EGR3: variants seen among roughly 807,000 people sequenced by gnomAD.
The protein encoded by EGR3 is early growth response protein 3.
In EGR3, 4 loss-of-function variants were observed where a neutral mutation model predicts 22.4. The ratio of observed to expected loss-of-function variants is 0.18; its 90% CI spans 0.09 to 0.41. The LOEUF is 0.41. Ranked by LOEUF, EGR3 falls within the 10% of genes least tolerant of loss-of-function variation. The pLI is 1.00. For missense variants in EGR3, 315 were observed against 541.3 expected (o/e 0.58, Z 4.15); for synonymous variants, 219 against 226.8 (o/e 0.97, Z 0.31).
Position 22,692,251 on chromosome 8 carries a change from C to T in EGR3, c.154+540G>A, listed in dbSNP as rs1279371426. On this transcript the variant is annotated intron_variant, in intron 1 of 1. Coordinates refer to ENST00000317216, the MANE Select transcript of EGR3 (RefSeq NM_004430.3). The surrounding 1 kb of genome is among the most constrained non-coding windows in gnomAD (Gnocchi z 6.2). ...AACCCCCTCCTTCTCCCCGCCGTCC[C>T]CACACCCCCACGGCTTTGCTGAACG... The T allele has an allele frequency of 1.3e-6, 2 of 1,484,804 alleles. No homozygotes were observed. Among genetic ancestry groups the T allele is most frequent in the East Asian group, 2.8e-5 (1 of 35,548 alleles). 92.0% of individuals were successfully genotyped at this position (1,484,804 alleles called of 1,614,324 possible).
At position 22,687,905 on chromosome 8, in the gene EGR3, C is replaced by G. The variant is rs1803819535; in HGVS notation, c.*2568G>C. 6.6e-6 allele frequency: 1 copy of G among 152,574 alleles called. No individual in the cohort carries two copies. Among genetic ancestry groups the G allele is most frequent in the South Asian group, 2.1e-4 (1 of 4,816 alleles). 9.5% of individuals were successfully genotyped at this position (152,574 alleles called of 1,614,324 possible). On this transcript the variant is annotated 3_prime_UTR_variant, in exon 2 of 2. Transcript: ENST00000317216. The surrounding 1 kb of genome is among the most constrained non-coding windows in gnomAD (Gnocchi z 4.7). ...ATGTTGGTGAAGAATTTCACCTTTT[C>G]ACAATATCAAGCATATTTTTTTAAC...
intron 1 of EGR3, chr8:22,691,859 A>G: frequency 1.0e-6 from 1 of 985,234 alleles, no homozygotes; most frequent in Non-Finnish European, 1.2e-6. Context: ...CTCGCTCTCC[A>G]CCGCACACAA....
chr8:22,692,372 G>C lies in EGR3; in HGVS notation c.154+419C>G. 6.8e-7 allele frequency: 1 copy of C among 1,468,632 alleles called. No individual in the cohort carries two copies. The highest frequency in any genetic ancestry group is 9.0e-7 in the Non-Finnish European group (1 of 1,115,224). 91.0% of individuals were successfully genotyped at this position (1,468,632 alleles called of 1,614,324 possible). On this transcript the variant is annotated intron_variant, in intron 1 of 1. Coordinates refer to ENST00000317216, the MANE Select transcript of EGR3 (RefSeq NM_004430.3). The surrounding 1 kb of genome is among the most constrained non-coding windows in gnomAD (Gnocchi z 6.2). ...GTGGGAGGCTGAGGGAGTAAGGGGG[G>C]AGAGCGCGGGTGAAAAAGACGCCGG...
At position 22,693,082 on chromosome 8, in the gene EGR3, G is replaced by C; in HGVS notation, c.-138C>G. On this transcript the variant is annotated 5_prime_UTR_variant, in exon 1 of 2. Coordinates refer to ENST00000317216, the MANE Select transcript of EGR3 (RefSeq NM_004430.3). ...GCATGCGAGAGGGAAAGTTCGGGGGGAGGGGGGAGGGAAGAAGGGAAGGGA... is the reference window on the plus strand; with the variant it reads ...GCATGCGAGAGGGAAAGTTCGGGGGCAGGGGGGAGGGAAGAAGGGAAGGGA... 5 of 715,638 alleles carry C rather than the reference G, an allele frequency of 7.0e-6. 1 individual carries two copies. The highest frequency in any genetic ancestry group is 1.0e-5 in the Non-Finnish European group (5 of 484,638). The allele number at this position is 715,638 out of a possible 1,614,324, so 44.3% of individuals were successfully genotyped here. A position where few individuals can be genotyped will look rare whatever the true frequency, so the allele number is the denominator to read the frequency against.
rs11136094 is a variant in EGR3, at chr8:22,689,539, G to T, written c.*934C>A. On this transcript the variant is annotated 3_prime_UTR_variant, in exon 2 of 2. Transcript: ENST00000317216. ...AGAAGGGGAAGGAGTGGGAGGGCAGGGGGCAAACTCAGGAACATAGATTTC... is the reference window on the plus strand; with the variant it reads ...AGAAGGGGAAGGAGTGGGAGGGCAGTGGGCAAACTCAGGAACATAGATTTC... 1 of 152,456 alleles carries T rather than the reference G, an allele frequency of 6.6e-6. No homozygotes were observed. The highest frequency in any genetic ancestry group is 1.5e-5 in the Non-Finnish European group (1 of 67,996). 9.4% of individuals were successfully genotyped at this position (152,456 alleles called of 1,614,324 possible).
In EGR3 at chr8:22,691,002, A is replaced by T; in HGVS notation, c.635T>A (p.Phe212Tyr). 1 of 1,583,648 alleles carries T rather than the reference A, an allele frequency of 6.3e-7. No homozygotes were observed. Among genetic ancestry groups the T allele is most frequent in the Non-Finnish European group, 8.6e-7 (1 of 1,162,066 alleles). ...GACCCGGATGGGGTCCATGCCCTGG[A>T]AGGGCTTGTGCTCCGGAATGGAGCC... is the stretch of plus-strand genomic sequence containing the variant. ...DMGSIPEHKP[F>Y]QGMDPIRVNP... The change falls in exon 2 of 2, where the codon TTC (phenylalanine) becomes TAC (tyrosine). Residue 212 changes from phenylalanine (F) to tyrosine (Y), a missense_variant. Physicochemically the swap from Phe to Tyr is conservative, Grantham distance 22 (BLOSUM62 3). This residue lies in a region of EGR3 where 227 missense variants were observed against 303.6 expected (regional missense o/e 0.75). Coordinates refer to ENST00000317216, the MANE Select transcript of EGR3 (RefSeq NM_004430.3).
intron 1 of EGR3, chr8:22,691,910 C>G (rs1000787092): frequency 1.6e-6 from 2 of 1,226,588 alleles, no homozygotes; most frequent in African/African-American, 3.1e-5. Context: ...CAGGACGCCG[C>G]GCCTTTCCCT....
rs1363836339 is a variant in EGR3 at position 22,691,182 on chromosome 8, T to C, written c.455A>G (p.Asp152Gly). 8 of 1,613,596 alleles carry C rather than the reference T, an allele frequency of 5.0e-6. No individual in the cohort carries two copies. The highest frequency in any genetic ancestry group is 6.8e-6 in the Non-Finnish European group (8 of 1,179,930). ...GAAAGACACGGGCTCTGAGTAGAGG[T>C]CGCCGCAGTTGGAGTAGGGGGGTAG... Reference protein sequence around the residue: ...PALPPYSNCGDLYSEPVSFHD... With the variant: ...PALPPYSNCGGLYSEPVSFHD... The change falls in exon 2 of 2, where the codon GAC becomes GGC. Residue 152 changes from aspartate to glycine, a missense_variant. This residue lies in a region of EGR3 where 227 missense variants were observed against 303.6 expected (regional missense o/e 0.75). Coordinates refer to ENST00000317216, the MANE Select transcript of EGR3 (RefSeq NM_004430.3).
rs1803993659 is a variant in EGR3 at position 22,692,179 on chromosome 8, C to A, written c.154+612G>T. ...GGGAGAGGCCGCCCTTCCCCAGCTC[C>A]CCGGCCCCGGGATCGTTCCCCGTGG... On this transcript the variant is annotated intron_variant, in intron 1 of 1. Coordinates refer to ENST00000317216, the MANE Select transcript of EGR3 (RefSeq NM_004430.3). The surrounding 1 kb of genome is among the most constrained non-coding windows in gnomAD (Gnocchi z 6.2). 2 of 1,382,234 alleles carry A rather than the reference C, an allele frequency of 1.4e-6. No homozygotes were observed. Among genetic ancestry groups the A allele is most frequent in the Non-Finnish European group, 1.9e-6 (2 of 1,072,564 alleles). The allele number at this position is 1,382,234 out of a possible 1,614,324, so 85.6% of individuals were successfully genotyped here.
Position 22,691,391 on chromosome 8 carries a change from G to C in EGR3, c.246C>G (p.Thr82=), listed in dbSNP as rs140392305. The change falls in exon 2 of 2, where the codon ACC becomes ACG. Residue 82 remains threonine, a synonymous_variant. Transcript: ENST00000317216. ...AGGCGAACTTTCCCAAGTAGGTCAC[G>C]GTCTTGTTGCCGGGGGCTGGCTGGA... ...GSFQPAPGNK[T]VTYLGKFAFD... is the part of the protein sequence containing the mutation. 10 of 1,614,174 alleles carry C rather than the reference G, an allele frequency of 6.2e-6. No individual in the cohort carries two copies. In the East Asian group the frequency reaches 2.2e-4, roughly 36 times the overall value.
At position 22,692,834 on chromosome 8, in the gene EGR3, G is replaced by A. The variant is rs746459512; in HGVS notation, c.111C>T (p.Ser37=). 2 of 1,613,458 alleles carry A rather than the reference G, an allele frequency of 1.2e-6. No homozygotes were observed. The highest frequency in any genetic ancestry group is 2.2e-5 in the East Asian group (1 of 44,834). ...AATGGACTACCGAGTCGCTGCTGCC[G>A]GAGAAGAGGTTGAGCGCGCTGGGGA... The part of the protein sequence containing the change: ...EEIPSALNLF[S]GSSDSVVHYN... Residue 37 remains serine (S), a synonymous_variant, in exon 1 of 2, where the codon TCC becomes TCT. Coordinates refer to ENST00000317216, the MANE Select transcript of EGR3 (RefSeq NM_004430.3). The surrounding 1 kb of genome is among the most constrained non-coding windows in gnomAD (Gnocchi z 6.2).
chr8:22,690,514 G>T lies in EGR3; in HGVS notation c.1123C>A (p.Pro375Thr). 6.2e-7 allele frequency: 1 copy of T among 1,610,118 alleles called. No homozygotes were observed. The highest frequency in any genetic ancestry group is 8.5e-7 in the Non-Finnish European group (1 of 1,177,896). The change falls in exon 2 of 2, where the codon CCC becomes ACC. Residue 375 changes from proline (P) to threonine (T), a missense_variant. Around this residue, in one of 4 missense-constraint regions of EGR3, gnomAD observed 38 missense variants for 37.5 expected, o/e 1.01. Coordinates refer to ENST00000317216, the MANE Select transcript of EGR3 (RefSeq NM_004430.3). ...KGGAPSASSA[P>T]PVSLAPVVTT... ...ACCACGGGGGCCAGCGACACGGGGG[G>T]CGCCGAGGATGCAGAGGGTGCACCG...
chr8:22,690,130 A>C lies in EGR3; in HGVS notation c.*343T>G, dbSNP rs1250959468. 1 of 345,140 alleles carries C rather than the reference A, an allele frequency of 2.9e-6. No individual in the cohort carries two copies. The highest frequency in any genetic ancestry group is 5.3e-6 in the Non-Finnish European group (1 of 188,864). 21.4% of individuals were successfully genotyped at this position (345,140 alleles called of 1,614,324 possible). A position where few individuals can be genotyped will look rare whatever the true frequency, so the allele number is the denominator to read the frequency against. On this transcript the variant is annotated 3_prime_UTR_variant, in exon 2 of 2. Transcript: ENST00000317216. ...GGTGTTTGGGTCGGGCGAGGGTTGGATGGGCTCCGCCTTCAGTCCCTTGCA... is the reference window on the plus strand; with the variant it reads ...GGTGTTTGGGTCGGGCGAGGGTTGGCTGGGCTCCGCCTTCAGTCCCTTGCA...
At chr8:22,691,987 C>T (rs1173675591) in intron 1 of EGR3, 2 of 1,277,292 alleles carry the variant, frequency 1.6e-6, no homozygotes, top group Non-Finnish European at 2.0e-6. Flanking sequence ...ACGCTTTGTC[C>T]TCGGAGCGTA....
Position 22,692,940 on chromosome 8 carries a change from G to C in EGR3, c.5C>G (p.Thr2Ser). Reference sequence around the variant, plus strand: ...CGGCAGCTTCTCGGCGAGTTTGCCGGTCATAGCACTCCCGAGCTGCCGCCG... The same window carrying C: ...CGGCAGCTTCTCGGCGAGTTTGCCGCTCATAGCACTCCCGAGCTGCCGCCG... Reference protein sequence around the residue: MTGKLAEKLPVT... With the variant: MSGKLAEKLPVT... Residue 2 changes from threonine to serine, a missense_variant, in exon 1 of 2, where the codon ACC becomes AGC. Physicochemically the swap from Thr to Ser is moderately conservative, Grantham distance 58. Transcript: ENST00000317216. This position sits in a 1 kb window ranked among gnomAD's most constrained non-coding sequence, Gnocchi z 6.2. 3.1e-6 allele frequency: 5 copies of C among 1,610,424 alleles called. No homozygotes were observed. The highest frequency in any genetic ancestry group is 4.2e-6 in the Non-Finnish European group (5 of 1,179,152).
chr8:22,692,614 G>A lies in EGR3; in HGVS notation c.154+177C>T. On this transcript the variant is annotated intron_variant, in intron 1 of 1. Transcript: ENST00000317216. This position sits in a 1 kb window ranked among gnomAD's most constrained non-coding sequence, Gnocchi z 6.2. ...GAGGAGTGGGTGGGAAAAGCAACTC[G>A]CCCCCCGCAAAATTCCCAGCGCGCC... The A allele has an allele frequency of 1.4e-6, 2 of 1,439,290 alleles. No homozygotes were observed. Among genetic ancestry groups the A allele is most frequent in the Non-Finnish European group, 1.8e-6 (2 of 1,095,538 alleles). The allele number at this position is 1,439,290 out of a possible 1,614,324, so 89.2% of individuals were successfully genotyped here. A position where few individuals can be genotyped will look rare whatever the true frequency, so the allele number is the denominator to read the frequency against.
Position 22,690,880 on chromosome 8 carries a change from G to T in EGR3, c.757C>A (p.Leu253Ile). The change falls in exon 2 of 2, where the codon CTC (leucine) becomes ATC (isoleucine). Residue 253 changes from leucine to isoleucine, a missense_variant. This residue lies in a region of EGR3 where 34 missense variants were observed against 81.9 expected (regional missense o/e 0.42). Coordinates refer to ENST00000317216, the MANE Select transcript of EGR3 (RefSeq NM_004430.3). ...TACTTGCGGGGCCGGATGGGCTTGA[G>T]GGTGAGCGGCGGCTGGGGCAGGCTG... ...FGSLPQPPLTLKPIRPRKYPN... is the reference protein window; with the variant it reads ...FGSLPQPPLTIKPIRPRKYPN... 6.3e-7 allele frequency: 1 copy of T among 1,589,180 alleles called. No individual in the cohort carries two copies. Among genetic ancestry groups the T allele is most frequent in the Non-Finnish European group, 8.6e-7 (1 of 1,165,508 alleles).
chr8:22,692,535 C>G lies in EGR3; in HGVS notation c.154+256G>C, dbSNP rs532349888. 9.8e-6 allele frequency: 14 copies of G among 1,427,994 alleles called. No homozygotes were observed. The South Asian group carries it at 2.0e-4, about 20-fold the overall frequency. The allele number at this position is 1,427,994 out of a possible 1,614,324, so 88.5% of individuals were successfully genotyped here. On this transcript the variant is annotated intron_variant, in intron 1 of 1. Coordinates refer to ENST00000317216, the MANE Select transcript of EGR3 (RefSeq NM_004430.3). The surrounding 1 kb of genome is among the most constrained non-coding windows in gnomAD (Gnocchi z 6.2). ...CGGCGGCTGCCCCCACCCGGGAGAA[C>G]CGAAGCCTCTACCGTGGCGTCGCCA...
At position 22,691,407 on chromosome 8, in the gene EGR3, G is replaced by T. The variant is rs1430536299; in HGVS notation, c.230C>A (p.Ala77Asp). The T allele has an allele frequency of 1.2e-6, 2 of 1,614,044 alleles. No individual in the cohort carries two copies. The highest frequency in any genetic ancestry group is 1.3e-5 in the African/African-American group (1 of 74,924). Residue 77 changes from alanine (A) to aspartate (D), a missense_variant, in exon 2 of 2, where the codon GCC becomes GAC. Physicochemically the swap from Ala to Asp is moderately radical, Grantham distance 126. Around this residue, in one of 4 missense-constraint regions of EGR3, gnomAD observed 227 missense variants for 303.6 expected, o/e 0.75. Transcript: ENST00000317216. ...GTAGGTCACGGTCTTGTTGCCGGGG[G>T]CTGGCTGGAAGGAGCCGGAGTAAGA... is the stretch of plus-strand genomic sequence containing the variant. ...ELSYSGSFQP[A>D]PGNKTVTYLG...
Sources: allele counts gnomAD v4.1 joint callset, GRCh38; gene constraint gnomAD v4.1.1; regional missense constraint gnomAD v4.1.1; non-coding constraint Gnocchi (gnomAD v3.1); transcripts MANE v1.5; gene names NCBI Gene and HGNC (gene_info 2026-07-23, HGNC 2026-07-21).